Variants in LDLRAD4 observed in about 807,000 individuals in gnomAD.
LDLRAD4 encodes low density lipoprotein receptor class A domain containing 4.
LDLRAD4 carries 5 observed loss-of-function variants against 17.0 expected under a neutral mutation model. The observed-to-expected ratio is 0.29, with a 90% CI of 0.15 to 0.62. The LOEUF (loss-of-function observed/expected upper bound fraction) is 0.62. Ranked by LOEUF, LDLRAD4 falls within the 20% of genes least tolerant of loss-of-function variation. LDLRAD4 has a pLI of 0.84. For synonymous variants in LDLRAD4, 168 were observed against 171.8 expected, an observed-to-expected ratio of 0.98 and a Z score of 0.17; for missense variants, 340 against 424.7, an observed-to-expected ratio of 0.80 and a Z score of 1.75.
At chr18:13,248,653 T>A (rs1474736579) in intron 1 of LDLRAD4, among the ~76,000 whole-genome samples, 1 of 152,266 alleles carries the variant, frequency 6.6e-6, no homozygotes, top group Non-Finnish European at 1.5e-5. Context: ...ACATAATAAT[T>A]ACATATTTAT....
intron 2 of LDLRAD4, among the ~76,000 whole-genome samples, chr18:13,411,617 G>A (rs545540656): frequency 3.9e-5 from 6 of 152,240 alleles, no homozygotes; most frequent in African/African-American, 7.2e-5. Flanking sequence ...CCCTGCACAC[G>A]CTCTCTTGCC....
intron 1 of LDLRAD4, among the ~76,000 whole-genome samples, chr18:13,364,342 A>ATT (rs201628712): frequency 6.6e-6 from 1 of 151,256 alleles, no homozygotes; most frequent in Non-Finnish European, 1.5e-5. Context: ...GTATTATTTG[A>ATT]TTTTTTTTTA....
At position 13,603,759 on chromosome 18, in the gene LDLRAD4, G is replaced by A. The variant is rs1171759061; in HGVS notation, c.182-17358G>A. On this transcript the variant is annotated intron_variant, in intron 3 of 5. Coordinates refer to ENST00000359446, the Ensembl canonical transcript of LDLRAD4. ...CCTTCACCCACTCCACGCTGAGCAC[G>A]CTGCTGGGTGCCACGCCAAGTTTCA... Among the ~76,000 whole-genome samples the A allele has an allele frequency of 3.3e-5, 5 of 152,346 alleles. 1 individual carries two copies. Among genetic ancestry groups the A allele is most frequent in the South Asian group, 4.1e-4 (2 of 4,830 alleles).
At chr18:13,580,432 G>T (rs2094840242) in intron 3 of LDLRAD4, among the ~76,000 whole-genome samples, 1 of 152,274 alleles carries the variant, frequency 6.6e-6, no homozygotes, top group Admixed American at 6.5e-5. Context: ...TGTCTCTGCA[G>T]CCAGAGGATG....
chr18:13,393,323 CTT>C (rs1212035313), intron 2 of LDLRAD4, among the ~76,000 whole-genome samples: 3 of 152,140 alleles, frequency 2.0e-5, no homozygotes, highest in Non-Finnish European at 4.4e-5. Flanking sequence ...ACTTTTCAGT[CTT>C]TAATATGGGG....
intron 4 of LDLRAD4, among the ~76,000 whole-genome samples, chr18:13,633,282 A>G (rs1414221311): frequency 2.0e-5 from 3 of 152,258 alleles, no homozygotes; most frequent in East Asian, 3.9e-4. Flanking sequence ...CAGGCCCAGA[A>G]AAAGCATCCT....
At chr18:13,408,403 A>T (rs985745627) in intron 2 of LDLRAD4, among the ~76,000 whole-genome samples, 1 of 150,708 alleles carries the variant, frequency 6.6e-6, no homozygotes, top group South Asian at 2.1e-4. Context: ...GGTGAGAGAG[A>T]TAGAGTAGTA....
chr18:13,617,354 A>C (rs2040189145), intron 3 of LDLRAD4, among the ~76,000 whole-genome samples: 1 of 152,208 alleles, frequency 6.6e-6, no homozygotes, highest in African/African-American at 2.4e-5. Context: ...AGTCAATATC[A>C]CATGTTCCAT....
At chr18:13,231,240 T>A (rs945076741) in intron 1 of LDLRAD4, among the ~76,000 whole-genome samples, 1 of 151,556 alleles carries the variant, frequency 6.6e-6, no homozygotes, top group East Asian at 1.9e-4. Context: ...GCAAGAGGGG[T>A]CTGGACCGGT....
chr18:13,407,208 G>A (rs987130414), intron 2 of LDLRAD4, among the ~76,000 whole-genome samples: 2 of 152,160 alleles, frequency 1.3e-5, no homozygotes, highest in African/African-American at 4.8e-5. Context: ...TCACCTGCGC[G>A]ACTCTGGTGC....
chr18:13,523,304 G>A (rs2093981169), intron 3 of LDLRAD4, among the ~76,000 whole-genome samples: 1 of 152,186 alleles, frequency 6.6e-6, no homozygotes, highest in Non-Finnish European at 1.5e-5. Context: ...GGTCTAATCA[G>A]GTGAGTCTTT....
chr18:13,571,243 C>T (rs891703058), intron 3 of LDLRAD4, among the ~76,000 whole-genome samples: 1 of 152,160 alleles, frequency 6.6e-6, no homozygotes, highest in South Asian at 2.1e-4. Flanking sequence ...TGTGTAAGTA[C>T]GCTGTCTATG....
At chr18:13,326,773 C>CTT (rs112335716) in intron 1 of LDLRAD4, among the ~76,000 whole-genome samples, 4 of 145,254 alleles carry the variant, frequency 2.8e-5, no homozygotes, top group African/African-American at 1.0e-4. Context: ...GGGTCCCGAG[C>CTT]TTTTTTTTTT....
chr18:13,424,453 C>T (rs77315112), intron 2 of LDLRAD4, among the ~76,000 whole-genome samples: 3,177 of 152,298 alleles, frequency 0.021, 55 homozygotes, highest in Admixed American at 0.032. Flanking sequence ...CTCCCTTTAG[C>T]GCATTTGAGT....
chr18:13,444,226 A>G (rs2091235534), intron 3 of LDLRAD4, among the ~76,000 whole-genome samples: 1 of 152,158 alleles, frequency 6.6e-6, no homozygotes, highest in South Asian at 2.1e-4. Context: ...GTATACACTT[A>G]ACATTTTTAG....
chr18:13,624,357 A>G (rs1393439300), intron 4 of LDLRAD4, among the ~76,000 whole-genome samples: 2 of 152,202 alleles, frequency 1.3e-5, no homozygotes, highest in Non-Finnish European at 1.5e-5. Flanking sequence ...CAGTTTCCCC[A>G]GTGACTCCTG....
At chr18:13,252,630 G>A (rs548764107) in intron 1 of LDLRAD4, among the ~76,000 whole-genome samples, 8 of 152,310 alleles carry the variant, frequency 5.3e-5, no homozygotes, top group African/African-American at 1.4e-4. Flanking sequence ...CTGGGAACTC[G>A]GTGGTGCCCC....
upstream of LDLRAD4, among the ~76,000 whole-genome samples, chr18:13,277,413 C>G (rs1023637402): frequency 1.3e-5 from 2 of 152,240 alleles, no homozygotes; most frequent in African/African-American, 4.8e-5. Flanking sequence ...GGCGCTCCAC[C>G]TGGGACGGTG....
intron 2 of LDLRAD4, among the ~76,000 whole-genome samples, chr18:13,421,757 G>A (rs150714212): frequency 4.6e-5 from 7 of 152,296 alleles, no homozygotes; most frequent in African/African-American, 1.7e-4. Flanking sequence ...AGATACCGTG[G>A]ACACTTAGAG....
Sources: allele counts gnomAD v4.1 joint callset (sites outside exome capture counted in the v4.1 genomes callset), GRCh38; gene constraint gnomAD v4.1.1; transcripts MANE v1.5; gene names NCBI Gene and HGNC (gene_info 2026-07-23, HGNC 2026-07-21).